LEKR1: variants seen among roughly 807,000 people sequenced by gnomAD.
LEKR1 encodes the protein leucine, glutamate and lysine rich 1, also known as protein LEKR1.
In LEKR1, 59 loss-of-function variants were observed where a neutral mutation model predicts 72.4. The observed-to-expected ratio is 0.82, with a 90% CI of 0.66 to 1.01. The LOEUF (loss-of-function observed/expected upper bound fraction) is 1.01. LEKR1 is among the 50% of genes least tolerant of loss of function. The pLI is 0.00. For missense variants in LEKR1, 728 were observed against 759.2 expected (o/e 0.96, Z 0.48); for synonymous variants, 257 against 263.2 (o/e 0.98, Z 0.23).
At chr3:156,844,395 A>G (rs908918616) in intron 2 of LEKR1, among the ~76,000 whole-genome samples, 2 of 152,158 alleles carry the variant, frequency 1.3e-5, no homozygotes, top group Admixed American at 1.3e-4. Flanking sequence ...ACATCTGGCA[A>G]AACTAAAGTA....
intron 12 of LEKR1, among the ~76,000 whole-genome samples, chr3:157,043,989 T>G (rs575943474): frequency 3.3e-5 from 5 of 152,220 alleles, no homozygotes; most frequent in Admixed American, 1.3e-4. Context: ...CCATTTTGAT[T>G]ACCAAATTTG....
chr3:156,882,187 A>G lies in LEKR1; in HGVS notation c.263+29205A>G, dbSNP rs1459867578. On this transcript the variant is annotated intron_variant, in intron 3 of 12. Transcript: ENST00000356539. ...AAACTAAAGAGCTTCTGCACAACAA[A>G]AGAAACTACCATCAGAGTGAACAGG... Among the ~76,000 whole-genome samples the G allele has an allele frequency of 9.2e-5, 14 of 152,158 alleles. No individual in the cohort carries two copies. In the South Asian group the frequency reaches 2.3e-3, roughly 25 times the overall value.
chr3:156,998,152 C>T (rs1188247306), intron 9 of LEKR1, among the ~76,000 whole-genome samples: 1 of 151,920 alleles, frequency 6.6e-6, no homozygotes, highest in Non-Finnish European at 1.5e-5. Flanking sequence ...CACAAGGTCT[C>T]GGTGGCCAAG....
intron 3 of LEKR1, among the ~76,000 whole-genome samples, chr3:156,904,866 C>T (rs1722387011): frequency 6.6e-6 from 1 of 151,722 alleles, no homozygotes; most frequent in South Asian, 2.1e-4. Flanking sequence ...TCTGTTTCTG[C>T]ACCAGGAAAA....
rs7635593 is a variant in LEKR1 at position 156,830,284 on chromosome 3, T to G, written c.48+907T>G. ...CCTTCAGGAAAAAGTGATCTTGAAG[T>G]TCTTGTGTATTTTTCATCATGTTTA... On this transcript the variant is annotated intron_variant, in intron 2 of 12. Coordinates refer to ENST00000356539, the MANE Select transcript of LEKR1 (RefSeq NM_001004316.3). Among the ~76,000 whole-genome samples the G allele has an allele frequency of 4.7e-3, 711 of 152,344 alleles. 6 individuals carry two copies. Among genetic ancestry groups the G allele is most frequent in the African/African-American group, 0.017 (687 of 41,580 alleles).
chr3:156,949,279 G>T (rs1256840224), intron 6 of LEKR1, among the ~76,000 whole-genome samples: 2 of 151,394 alleles, frequency 1.3e-5, no homozygotes, highest in Non-Finnish European at 3.0e-5. Context: ...GTCTTCCAGG[G>T]TTTTTATAGT....
chr3:156,846,768 T>A (rs1714654558), intron 2 of LEKR1, among the ~76,000 whole-genome samples: 1 of 152,146 alleles, frequency 6.6e-6, no homozygotes, highest in African/African-American at 2.4e-5. Flanking sequence ...ACAAAAAGCA[T>A]CATATGGGTG....
chr3:156,929,659 G>T (rs1725028649), intron 5 of LEKR1, among the ~76,000 whole-genome samples: 1 of 152,020 alleles, frequency 6.6e-6, no homozygotes, highest in South Asian at 2.1e-4. Context: ...GTTACCAGAA[G>T]AGTTATTATC....
chr3:156,885,188 T>C (rs1194808975), intron 3 of LEKR1, among the ~76,000 whole-genome samples: 1 of 152,184 alleles, frequency 6.6e-6, no homozygotes, highest in Non-Finnish European at 1.5e-5. Context: ...CCATATCCTG[T>C]ATTTTTTAAA....
intron 10 of LEKR1, among the ~76,000 whole-genome samples, chr3:157,015,508 T>C (rs1733240914): frequency 6.6e-6 from 1 of 152,174 alleles, no homozygotes; most frequent in Non-Finnish European, 1.5e-5. Flanking sequence ...CTAGATGAAA[T>C]GCTGATTTGA....
intron 3 of LEKR1, among the ~76,000 whole-genome samples, chr3:156,860,523 C>G (rs974355369): frequency 6.6e-6 from 1 of 152,090 alleles, no homozygotes; most frequent in African/African-American, 2.4e-5. Context: ...TACCAAAGGT[C>G]CAGAGATCCA....
At chr3:156,950,562 C>G (rs1432788635) in intron 6 of LEKR1, among the ~76,000 whole-genome samples, 1 of 150,850 alleles carries the variant, frequency 6.6e-6, no homozygotes, top group African/African-American at 2.4e-5. Flanking sequence ...TCCTAGTTAG[C>G]TGTATTCCTA....
intron 3 of LEKR1, among the ~76,000 whole-genome samples, chr3:156,886,786 C>A (rs1475044747): frequency 1.3e-5 from 2 of 152,214 alleles, no homozygotes; most frequent in Non-Finnish European, 2.9e-5. Context: ...CAGTTTTTCA[C>A]CTGTTTTGCA....
intron 10 of LEKR1, among the ~76,000 whole-genome samples, chr3:157,014,206 G>A (rs1733126809): frequency 6.6e-6 from 1 of 151,944 alleles, no homozygotes; most frequent in South Asian, 2.1e-4. Context: ...TCACTTTTTA[G>A]TGCAATAAGC....
At chr3:156,933,062 A>G (rs894200291) in intron 5 of LEKR1, among the ~76,000 whole-genome samples, 31 of 152,082 alleles carry the variant, frequency 2.0e-4, no homozygotes, top group Non-Finnish European at 3.5e-4. Context: ...ACAAAAATGG[A>G]GCAGACACTG....
intron 6 of LEKR1, among the ~76,000 whole-genome samples, chr3:156,945,547 T>C (rs1402915215): frequency 6.6e-6 from 1 of 151,892 alleles, no homozygotes; most frequent in Non-Finnish European, 1.5e-5. Flanking sequence ...CTGGAGGGTT[T>C]CCCTAATGTT....
At chr3:156,830,785 T>A (rs1000307769) in intron 2 of LEKR1, among the ~76,000 whole-genome samples, 1 of 152,142 alleles carries the variant, frequency 6.6e-6, no homozygotes, top group Admixed American at 6.5e-5. Flanking sequence ...TAAAGCTGGA[T>A]AATTTAATGC....
At chr3:156,930,184 T>A (rs761929283) in intron 5 of LEKR1, among the ~76,000 whole-genome samples, 2 of 151,802 alleles carry the variant, frequency 1.3e-5, no homozygotes, top group Non-Finnish European at 2.9e-5. Flanking sequence ...GAAAAAAGAA[T>A]CAGTGAATTT....
chr3:156,924,122 G>A (rs184628918), intron 4 of LEKR1, among the ~76,000 whole-genome samples: 9 of 152,242 alleles, frequency 5.9e-5, no homozygotes, highest in Admixed American at 5.2e-4. Context: ...GTTTCTCCAT[G>A]TTTTTGTCAA....
Sources: allele counts gnomAD v4.1 joint callset (sites outside exome capture counted in the v4.1 genomes callset), GRCh38; gene constraint gnomAD v4.1.1; transcripts MANE v1.5; gene names NCBI Gene and HGNC (gene_info 2026-07-23, HGNC 2026-07-21).